EYA1: variants seen among roughly 807,000 people sequenced by gnomAD.
The protein encoded by EYA1 is protein phosphatase EYA1.
A neutral mutation model predicts 82.0 loss-of-function variants in EYA1; 16 were observed. That is an observed-to-expected ratio of 0.20 (90% CI 0.13 to 0.30). EYA1 has a LOEUF of 0.30. Ranked by LOEUF, EYA1 falls within the 10% of genes least tolerant of loss-of-function variation. The pLI is 1.00. For synonymous variants in EYA1, 261 were observed against 264.4 expected (o/e 0.99, Z 0.12); for missense variants, 633 against 730.7 (o/e 0.87, Z 1.54).
In EYA1 at chr8:71,217,006, A is replaced by T; in HGVS notation, c.1158T>A (p.His386Gln). The change falls in exon 13 of 18, where the codon CAT (histidine) becomes CAA (glutamine). Residue 386 changes from histidine to glutamine, a missense_variant. Transcript: ENST00000340726. The part of the protein sequence containing the change: ...FNDLEECDQV[H>Q]IDDVSSDDNG... Reference sequence around the variant, plus strand: ...TATCATCTGAAGAAACATCATCTATATGGACTTGGTCACATTCCTAAAATG... The same window carrying T: ...TATCATCTGAAGAAACATCATCTATTTGGACTTGGTCACATTCCTAAAATG... The T allele has an allele frequency of 6.2e-7, 1 of 1,613,400 alleles. No individual in the cohort carries two copies. Among genetic ancestry groups the T allele is most frequent in the Non-Finnish European group, 8.5e-7 (1 of 1,179,292 alleles).
At chr8:71,496,563 T>C (rs1048070453) in intron 2 of EYA1, among the ~76,000 whole-genome samples, 4 of 152,236 alleles carry the variant, frequency 2.6e-5, no homozygotes, top group Non-Finnish European at 5.9e-5. Context: ...CTTGTTGTAA[T>C]TTAGAAGTTA....
chr8:71,327,954 C>G (rs1586385663), intron 4 of EYA1, among the ~76,000 whole-genome samples: 1 of 147,724 alleles, frequency 6.8e-6, no homozygotes. Context: ...CTCCTGGGTT[C>G]AAGCGATTCT....
chr8:71,499,430 G>A (rs1414883749), intron 2 of EYA1, among the ~76,000 whole-genome samples: 1 of 152,276 alleles, frequency 6.6e-6, no homozygotes, highest in South Asian at 2.1e-4. Flanking sequence ...GAGGCACAGA[G>A]GTGCTAAGGA....
intron 12 of EYA1, among the ~76,000 whole-genome samples, chr8:71,223,069 C>A (rs1484443282): frequency 6.6e-6 from 1 of 152,272 alleles, no homozygotes; most frequent in Non-Finnish European, 1.5e-5. Flanking sequence ...AAAATGCTCC[C>A]AGAAGGAGAG....
chr8:71,503,362 A>G lies in EYA1; in HGVS notation c.33+32382T>C, dbSNP rs974151490. On this transcript the variant is annotated intron_variant, in intron 2 of 18. Coordinates refer to the EYA1 transcript ENST00000643681. ...GTGGCATGCACCTGTAGTCCCAGTT[A>G]CTCGGGAGGCTGAGACAGAAGAATT... 5.3e-5 allele frequency among the ~76,000 whole-genome samples: 8 copies of G among 152,094 alleles called. No homozygotes were observed. In the South Asian group the frequency reaches 1.2e-3, roughly 24 times the overall value.
intron 17 of EYA1, among the ~76,000 whole-genome samples, chr8:71,209,744 G>C (rs557183336): frequency 1.1e-4 from 16 of 152,310 alleles, no homozygotes; most frequent in Admixed American, 2.6e-4. Context: ...GGATTCCTAT[G>C]AGGGAGTGTG....
At chr8:71,217,322 T>C (rs890623589) in intron 12 of EYA1, among the ~76,000 whole-genome samples, 1 of 152,238 alleles carries the variant, frequency 6.6e-6, no homozygotes, top group Non-Finnish European at 1.5e-5. Flanking sequence ...AAACCTCAGG[T>C]ACCTTAAGCC....
intron 2 of EYA1, among the ~76,000 whole-genome samples, chr8:71,502,951 A>G (rs1229904683): frequency 6.6e-6 from 1 of 152,204 alleles, no homozygotes; most frequent in African/African-American, 2.4e-5. Context: ...AAACATGCAC[A>G]CACAATTGTA....
At chr8:71,546,636 G>C (rs1398995531) in intron 1 of EYA1, among the ~76,000 whole-genome samples, 1 of 151,854 alleles carries the variant, frequency 6.6e-6, no homozygotes, top group Non-Finnish European at 1.5e-5. Context: ...CGAGTAGCTG[G>C]GATTACAGGC....
chr8:71,274,865 G>GGAGA (rs140773864), intron 9 of EYA1, among the ~76,000 whole-genome samples: 2 of 149,536 alleles, frequency 1.3e-5, no homozygotes, highest in African/African-American at 5.0e-5. Context: ...AGGTAAAGTG[G>GGAGA]GAGAGAGAGA....
chr8:71,372,012 C>A (rs1828112478), intron 2 of EYA1, among the ~76,000 whole-genome samples: 1 of 152,082 alleles, frequency 6.6e-6, no homozygotes, highest in Middle Eastern at 3.4e-3. Context: ...AGAGTTTCAG[C>A]AAGAGAGGAA....
At chr8:71,529,847 C>T (rs1814126715) in intron 2 of EYA1, 1 of 152,196 alleles carries the variant, frequency 6.6e-6, no homozygotes, top group South Asian at 2.1e-4. Flanking sequence ...CCCAGATGCC[C>T]TCTTTCTTAA....
chr8:71,466,881 G>T lies in EYA1; in HGVS notation c.33+68863C>A, dbSNP rs191468293. On this transcript the variant is annotated intron_variant, in intron 2 of 18. Coordinates refer to the EYA1 transcript ENST00000643681. ...TCTGTCTCTTCTTCTTACCACTGGG[G>T]TTTGGATAAGAGTCATCTAACATGT... 1.6e-4 allele frequency among the ~76,000 whole-genome samples: 25 copies of T among 152,214 alleles called. No homozygotes were observed. The East Asian group carries it at 4.6e-3, about 28-fold the overall frequency.
At chr8:71,421,465 C>A (rs1329972401) in intron 2 of EYA1, among the ~76,000 whole-genome samples, 1 of 152,154 alleles carries the variant, frequency 6.6e-6, no homozygotes, top group Non-Finnish European at 1.5e-5. Context: ...AAGTGCCAGT[C>A]TAGGAATTTT....
intron 2 of EYA1, among the ~76,000 whole-genome samples, chr8:71,477,580 G>A (rs1809764573): frequency 6.6e-6 from 1 of 151,620 alleles, no homozygotes; most frequent in Admixed American, 6.6e-5. Context: ...AACAAGTGTT[G>A]GTGAGGAGGT....
intron 2 of EYA1, among the ~76,000 whole-genome samples, chr8:71,397,593 C>A (rs935039552): frequency 6.6e-6 from 1 of 152,180 alleles, no homozygotes; most frequent in East Asian, 1.9e-4. Flanking sequence ...AAATTCTTTT[C>A]TTTAAGAATG....
intron 2 of EYA1, among the ~76,000 whole-genome samples, chr8:71,398,132 A>C (rs574144226): frequency 6.6e-5 from 10 of 152,112 alleles, no homozygotes; most frequent in African/African-American, 2.4e-4. Context: ...CATGGTTTTC[A>C]GCCCCATCAG....
intron 11 of EYA1, among the ~76,000 whole-genome samples, chr8:71,249,637 C>T (rs550992127): frequency 5.9e-5 from 9 of 152,192 alleles, no homozygotes; most frequent in Non-Finnish European, 1.0e-4. Context: ...ATATCAATGA[C>T]GTTGGTTCCT....
intron 3 of EYA1, among the ~76,000 whole-genome samples, chr8:71,353,271 T>C (rs1056942296): frequency 3.3e-5 from 5 of 152,312 alleles, no homozygotes; most frequent in African/African-American, 1.2e-4. Flanking sequence ...CAGTCTGTAC[T>C]CTGCAGTAGG....
Sources: allele counts gnomAD v4.1 joint callset (sites outside exome capture counted in the v4.1 genomes callset), GRCh38; gene constraint gnomAD v4.1.1; transcripts MANE v1.5; gene names NCBI Gene and HGNC (gene_info 2026-07-23, HGNC 2026-07-21).